PTPRT: variants seen among roughly 807,000 people sequenced by gnomAD.
PTPRT encodes receptor-type tyrosine-protein phosphatase T.
Under a neutral mutation model 176.8 loss-of-function variants are expected in PTPRT, and 56 were observed. The ratio of observed to expected loss-of-function variants is 0.32; its 90% confidence interval spans 0.26 to 0.40. PTPRT has a LOEUF of 0.40. Among genes scored for constraint, PTPRT ranks in the 10% least tolerant of loss-of-function variants. PTPRT has a pLI of 1.00. For synonymous variants in PTPRT, 783 were observed against 739.0 expected, an observed-to-expected ratio of 1.06 and a Z score of -0.96; for missense variants, 1,540 against 1,908.2, an observed-to-expected ratio of 0.81 and a Z score of 3.60.
chr20:42,870,597 G>A (rs1195836100), intron 2 of PTPRT, among the ~76,000 whole-genome samples: 1 of 152,232 alleles, frequency 6.6e-6, no homozygotes, highest in Non-Finnish European at 1.5e-5. Context: ...GTTGGCTATA[G>A]CTTCTAGGTT....
chr20:42,577,732 G>A (rs1359777870), intron 7 of PTPRT, among the ~76,000 whole-genome samples: 1 of 151,460 alleles, frequency 6.6e-6, no homozygotes, highest in Non-Finnish European at 1.5e-5. Context: ...GCACGGAGAT[G>A]TGTGTGTCTC....
At chr20:42,446,003 CATG>C (rs1274431248) in intron 9 of PTPRT, among the ~76,000 whole-genome samples, 2 of 152,130 alleles carry the variant, frequency 1.3e-5, no homozygotes, top group Non-Finnish European at 2.9e-5. Context: ...GAATTTTAAT[CATG>C]ATATTTCTCA....
intron 1 of PTPRT, among the ~76,000 whole-genome samples, chr20:43,137,749 AACACATGC>A (rs1373461267): frequency 6.6e-6 from 1 of 152,182 alleles, no homozygotes; most frequent in Non-Finnish European, 1.5e-5. Context: ...TGACCCTGCC[AACACATGC>A]ACACATGCAC....
At chr20:42,620,024 T>C (rs1399954702) in intron 7 of PTPRT, among the ~76,000 whole-genome samples, 1 of 150,308 alleles carries the variant, frequency 6.7e-6, no homozygotes, top group Non-Finnish European at 1.5e-5. Context: ...GCTCTGCGTT[T>C]TAGAATTTCC....
intron 1 of PTPRT, among the ~76,000 whole-genome samples, chr20:43,155,419 C>T (rs570581145): frequency 2.9e-4 from 44 of 152,134 alleles, no homozygotes; most frequent in South Asian, 1.0e-3. Context: ...GCAAAATAAG[C>T]CAGGCACAGA....
intron 11 of PTPRT, among the ~76,000 whole-genome samples, chr20:42,325,184 G>C (rs941850107): frequency 6.6e-6 from 1 of 152,092 alleles, no homozygotes; most frequent in Admixed American, 6.6e-5. Context: ...GGAACCTACA[G>C]GGCAGTGCAA....
intron 18 of PTPRT, among the ~76,000 whole-genome samples, chr20:42,136,064 C>G (rs140351810): frequency 6.6e-6 from 1 of 152,044 alleles, no homozygotes; most frequent in South Asian, 2.1e-4. Flanking sequence ...ACAACTCCTT[C>G]TCCCTCCCTC....
chr20:42,058,722 G>T, the PTPRT span, among the ~76,000 whole-genome samples: 3 of 152,310 alleles, frequency 2.0e-5, no homozygotes, highest in African/African-American at 7.2e-5. Context: ...CAAACGAATG[G>T]CCTTTCCAGC....
At position 42,144,844 on chromosome 20, in the gene PTPRT, C is replaced by G. The variant is rs1988790423; in HGVS notation, c.2683-2842G>C. On this transcript the variant is annotated intron_variant, in intron 17 of 30. Transcript: ENST00000373187. ...ATACACCAGCCTTGCCTTTGCCCAT[C>G]TATTCCTTACTAGGTCTATCCTAAG... 2.6e-5 allele frequency among the ~76,000 whole-genome samples: 4 copies of G among 152,210 alleles called. No individual in the cohort carries two copies. The South Asian group carries it at 8.3e-4, about 32-fold the overall frequency.
intron 7 of PTPRT, among the ~76,000 whole-genome samples, chr20:42,502,136 T>C (rs568633189): frequency 4.6e-5 from 7 of 152,234 alleles, no homozygotes; most frequent in African/African-American, 1.4e-4. Flanking sequence ...TTCAAGGATA[T>C]ACCTTTTTAG....
At chr20:43,177,673 C>T (rs2015152900) in intron 1 of PTPRT, among the ~76,000 whole-genome samples, 1 of 152,052 alleles carries the variant, frequency 6.6e-6, no homozygotes, top group Non-Finnish European at 1.5e-5. Context: ...GAGATTTACA[C>T]AAAGACATTT....
At chr20:42,421,673 T>C (rs938316803) in intron 9 of PTPRT, among the ~76,000 whole-genome samples, 12 of 152,094 alleles carry the variant, frequency 7.9e-5, no homozygotes, top group African/African-American at 2.9e-4. Context: ...TAAAAGGCCA[T>C]TGACATTCCT....
chr20:42,593,901 A>T (rs957614419), intron 7 of PTPRT, among the ~76,000 whole-genome samples: 2 of 152,328 alleles, frequency 1.3e-5, no homozygotes, highest in East Asian at 3.9e-4. Flanking sequence ...AGGCTTCTCA[A>T]TATGTTTCCA....
intron 7 of PTPRT, among the ~76,000 whole-genome samples, chr20:42,618,841 C>T (rs1188036507): frequency 1.3e-4 from 18 of 141,960 alleles, no homozygotes; most frequent in African/African-American, 3.9e-4. Context: ...TGTCTCTGCA[C>T]GTGAGATGGG....
chr20:42,039,692 G>GTATATATATATATATA, the PTPRT span, among the ~76,000 whole-genome samples: 336 of 113,254 alleles, frequency 3.0e-3, 22 homozygotes, highest in South Asian at 6.3e-3. Context: ...ATTCTGTTGT[G>GTATATATATATATATA]TATATATATA....
chr20:43,021,532 G>A (rs1454318210), intron 1 of PTPRT, among the ~76,000 whole-genome samples: 6 of 152,052 alleles, frequency 3.9e-5, no homozygotes, highest in Non-Finnish European at 1.5e-5. Flanking sequence ...GGACAGGTGG[G>A]CAAGTTCCCT....
intron 2 of PTPRT, among the ~76,000 whole-genome samples, chr20:42,800,033 T>C (rs1391452088): frequency 6.6e-6 from 1 of 152,226 alleles, no homozygotes; most frequent in African/African-American, 2.4e-5. Context: ...TTATTTATCT[T>C]CTCAGTCACT....
chr20:42,196,868 A>G (rs1228225776), intron 16 of PTPRT, among the ~76,000 whole-genome samples: 1 of 152,252 alleles, frequency 6.6e-6, no homozygotes, highest in Non-Finnish European at 1.5e-5. Context: ...CTTTGTCTTT[A>G]AAAGCCATTA....
intron 2 of PTPRT, among the ~76,000 whole-genome samples, chr20:42,858,398 G>A (rs2078602072): frequency 6.6e-6 from 1 of 152,126 alleles, no homozygotes; most frequent in African/African-American, 2.4e-5. Context: ...CCGAAGGCAG[G>A]CCAGGATGAT....
Sources: gnomAD v4.1 joint callset for allele counts (sites outside exome capture counted in the v4.1 genomes callset) on GRCh38, gnomAD v4.1.1 for gene constraint, MANE v1.5 for transcripts, NCBI Gene and HGNC (gene_info 2026-07-23, HGNC 2026-07-21) for gene names.